Variants in CDH19 observed in about 807,000 individuals in gnomAD.
CDH19 encodes cadherin-19.
Under a neutral mutation model 64.2 loss-of-function variants are expected in CDH19, and 67 were observed. That is an observed-to-expected ratio of 1.04 (90% CI 0.86 to 1.28). CDH19 has a LOEUF of 1.28. Among genes scored for constraint, CDH19 ranks in the 50% most tolerant of loss-of-function variants. The pLI, the probability that CDH19 is intolerant of heterozygous loss-of-function variation, is 0.00. For missense variants in CDH19, 1,030 were observed against 929.0 expected (o/e 1.11, Z -1.41); for synonymous variants, 346 against 319.3 (o/e 1.08, Z -0.89).
intron 3 of CDH19, among the ~76,000 whole-genome samples, chr18:66,564,857 T>G (rs1386909952): frequency 8.8e-6 from 1 of 113,002 alleles, no homozygotes; most frequent in Non-Finnish European, 1.9e-5. Flanking sequence ...GTATTTTAAA[T>G]GCCCCTTCTT....
chr18:66,517,666 A>G (rs1198044107), intron 9 of CDH19, among the ~76,000 whole-genome samples: 1 of 152,088 alleles, frequency 6.6e-6, no homozygotes, highest in African/African-American at 2.4e-5. Flanking sequence ...TCCAAAGTAG[A>G]TAGATATAAG....
chr18:66,583,712 C>A (rs1008212019), intron 1 of CDH19, among the ~76,000 whole-genome samples: 7 of 151,954 alleles, frequency 4.6e-5, no homozygotes, highest in Admixed American at 3.3e-4. Context: ...AGACTGCACA[C>A]CTACAATCAT....
In CDH19 at chr18:66,543,970, C is replaced by T. The variant is rs1380646694; in HGVS notation, c.1214+1G>A. The T allele has an allele frequency of 1.2e-6, 2 of 1,605,500 alleles. No homozygotes were observed. The highest frequency in any genetic ancestry group is 2.2e-5 in the East Asian group (1 of 44,824). On this transcript the variant is annotated splice_donor_variant, in intron 7 of 11. Coordinates refer to ENST00000262150, the MANE Select transcript of CDH19 (RefSeq NM_021153.4). LOFTEE classifies it high-confidence loss of function. ...ATGCAAAACTGACCTTACAGACATA[C>T]CTGATAGGAGATTTCCTATTGTCTG...
chr18:66,536,319 T>C (rs1177870778), intron 7 of CDH19, among the ~76,000 whole-genome samples: 2 of 151,706 alleles, frequency 1.3e-5, no homozygotes, highest in Non-Finnish European at 3.0e-5. Context: ...AAGGACTCAA[T>C]AGAAATCACG....
At chr18:66,556,445 C>T (rs549884372) in intron 3 of CDH19, among the ~76,000 whole-genome samples, 167 of 151,738 alleles carry the variant, frequency 1.1e-3, no homozygotes, top group African/African-American at 3.8e-3. Flanking sequence ...TTCATATCCC[C>T]GACACATTAT....
At chr18:66,516,635 A>G (rs1487371473) in intron 9 of CDH19, among the ~76,000 whole-genome samples, 1 of 152,098 alleles carries the variant, frequency 6.6e-6, no homozygotes, top group Non-Finnish European at 1.5e-5. Context: ...CTGAAACTGC[A>G]TGACTGCAGT....
rs551193440 is a variant in CDH19 at position 66,541,562 on chromosome 18, T to G, written c.1214+2409A>C. Reference sequence around the variant, plus strand: ...TTTTCATAAGCAACTGATTTTGTTTTTATGATGTATTTTGAATGTTTGTTA... The same window carrying G: ...TTTTCATAAGCAACTGATTTTGTTTGTATGATGTATTTTGAATGTTTGTTA... On this transcript the variant is annotated intron_variant, in intron 7 of 11. Coordinates refer to ENST00000262150, the MANE Select transcript of CDH19 (RefSeq NM_021153.4). Among the ~76,000 whole-genome samples the G allele has an allele frequency of 4.3e-4, 66 of 152,224 alleles. 1 individual carries two copies. The South Asian group carries it at 0.013, about 30-fold the overall frequency.
intron 3 of CDH19, among the ~76,000 whole-genome samples, chr18:66,564,240 G>C (rs1034610848): frequency 6.6e-6 from 1 of 151,690 alleles, no homozygotes; most frequent in Non-Finnish European, 1.5e-5. Flanking sequence ...TCCAAAAAAT[G>C]CAACTTAAAA....
intron 1 of CDH19, among the ~76,000 whole-genome samples, chr18:66,583,859 G>A (rs1817982364): frequency 6.6e-6 from 1 of 151,988 alleles, no homozygotes; most frequent in Non-Finnish European, 1.5e-5. Flanking sequence ...ATTCAAAATG[G>A]ATTAAAGACT....
intron 9 of CDH19, among the ~76,000 whole-genome samples, chr18:66,516,522 A>G (rs1008272799): frequency 2.0e-5 from 3 of 152,024 alleles, no homozygotes; most frequent in African/African-American, 2.4e-5. Context: ...GCCTAAGGGT[A>G]TGCTGAGCTC....
intron 1 of CDH19, among the ~76,000 whole-genome samples, chr18:66,593,064 T>A (rs1187790361): frequency 1.3e-5 from 2 of 151,282 alleles, no homozygotes; most frequent in Non-Finnish European, 3.0e-5. Context: ...ACAACAGTAT[T>A]TTTTTTTAGA....
chr18:66,509,985 T>G (rs1985393678), intron 10 of CDH19, among the ~76,000 whole-genome samples: 1 of 151,766 alleles, frequency 6.6e-6, no homozygotes. Context: ...AAACAAACAA[T>G]AAGCACTTCA....
At chr18:66,591,556 A>G (rs1988746978) in intron 1 of CDH19, among the ~76,000 whole-genome samples, 2 of 151,940 alleles carry the variant, frequency 1.3e-5, no homozygotes, top group African/African-American at 4.8e-5. Context: ...ACAACAGTAC[A>G]AATCTATCAT....
At chr18:66,540,382 A>T (rs996164644) in intron 7 of CDH19, among the ~76,000 whole-genome samples, 2 of 152,206 alleles carry the variant, frequency 1.3e-5, no homozygotes, top group South Asian at 4.1e-4. Context: ...ATACCCATTG[A>T]TACCAAAAGA....
rs1254123042 is a variant in CDH19, at chr18:66,505,070, T to C, written c.2061A>G (p.Gln687=). 1.2e-6 allele frequency: 2 copies of C among 1,613,652 alleles called. No homozygotes were observed. Among genetic ancestry groups the C allele is most frequent in the Non-Finnish European group, 1.7e-6 (2 of 1,179,788 alleles). Residue 687 remains glutamine (Q), a synonymous_variant, in exon 12 of 12, where the codon CAA becomes CAG. Coordinates refer to ENST00000262150, the MANE Select transcript of CDH19 (RefSeq NM_021153.4). ...EIRSLYRQSL[Q]VGPDSAIFRK... ...TGAATATGGCACTGTCGGGGCCAAC[T>C]TGCAAAGACTGCCTGTATAGGCTCC...
intron 8 of CDH19, among the ~76,000 whole-genome samples, chr18:66,534,460 T>C (rs1986579154): frequency 6.6e-6 from 1 of 151,952 alleles, no homozygotes; most frequent in South Asian, 2.1e-4. Context: ...CTATGTAAAA[T>C]CAGCTATAAG....
At chr18:66,581,764 G>C (rs1988427786) in intron 1 of CDH19, among the ~76,000 whole-genome samples, 1 of 151,990 alleles carries the variant, frequency 6.6e-6, no homozygotes, top group Non-Finnish European at 1.5e-5. Context: ...GCGACTACTG[G>C]CTTCCTACCT....
chr18:66,566,803 A>G (rs534983969), intron 3 of CDH19, among the ~76,000 whole-genome samples: 1 of 151,968 alleles, frequency 6.6e-6, no homozygotes, highest in South Asian at 2.1e-4. Flanking sequence ...CTTTTTGCTT[A>G]ACAGTCAAGT....
intron 2 of CDH19, among the ~76,000 whole-genome samples, chr18:66,569,928 G>A (rs1330991161): frequency 6.6e-6 from 1 of 151,624 alleles, no homozygotes; most frequent in African/African-American, 2.4e-5. Context: ...CTTTGCGGTT[G>A]TGGAGAAAAT....
Sources: gnomAD v4.1 joint callset for allele counts (sites outside exome capture counted in the v4.1 genomes callset) on GRCh38, gnomAD v4.1.1 for gene constraint, MANE v1.5 for transcripts, NCBI Gene and HGNC (gene_info 2026-07-23, HGNC 2026-07-21) for gene names.